SIMC1: variants seen among roughly 807,000 people sequenced by gnomAD.
The protein encoded by SIMC1 is SUMO interacting motifs containing 1.
A neutral mutation model predicts 82.3 loss-of-function variants in SIMC1; 55 were observed. That is an observed-to-expected ratio of 0.67 (90% CI 0.54 to 0.84). SIMC1 has a LOEUF of 0.84. Among genes scored for constraint, SIMC1 ranks in the 40% least tolerant of loss-of-function variants. SIMC1 has a pLI of 0.00. For missense variants in SIMC1, 915 were observed against 1,107.2 expected, an observed-to-expected ratio of 0.83 and a Z score of 2.46; for synonymous variants, 353 against 426.3, an observed-to-expected ratio of 0.83 and a Z score of 2.12.
chr5:176,268,996 A>G (rs547375461), intron 1 of SIMC1, among the ~76,000 whole-genome samples: 40 of 152,342 alleles, frequency 2.6e-4, no homozygotes, highest in African/African-American at 9.6e-4. Flanking sequence ...AGTAAATTTG[A>G]ACCACATGAT....
At chr5:176,305,689 C>T (rs1764315887) in intron 4 of SIMC1, among the ~76,000 whole-genome samples, 1 of 110,350 alleles carries the variant, frequency 9.1e-6, no homozygotes, top group East Asian at 2.7e-4. Context: ...GGCCAGCCGC[C>T]CCGTCCGGGA....
In SIMC1 at chr5:176,331,159, A is replaced by G. The variant is rs1161565058; in HGVS notation, c.2172-5561A>G. Among the ~76,000 whole-genome samples, 4 of 151,962 alleles carry G rather than the reference A, an allele frequency of 2.6e-5. No individual in the cohort carries two copies. In the South Asian group the frequency reaches 6.2e-4, roughly 24 times the overall value. On this transcript the variant is annotated intron_variant, in intron 7 of 9. Transcript: ENST00000429602. The stretch of plus-strand genomic sequence containing the variant: ...GCCAAGGCGGGTGGATCACGAGGTC[A>G]GGAGATCAATACCATCCTGGCTAAC...
chr5:176,296,200 C>T, intron 3 of SIMC1, 51 bp from the exon 4 acceptor site: 2 of 1,596,854 alleles, frequency 1.3e-6, no homozygotes, highest in Non-Finnish European at 1.7e-6. Flanking sequence ...GATCCTATCC[C>T]TTCTTCCGCT....
intron 4 of SIMC1, among the ~76,000 whole-genome samples, chr5:176,300,696 A>G (rs1295978706): frequency 2.0e-5 from 3 of 152,144 alleles, no homozygotes; most frequent in Non-Finnish European, 4.4e-5. Flanking sequence ...GATTCAAATT[A>G]CTAAAATCAG....
intron 1 of SIMC1, among the ~76,000 whole-genome samples, chr5:176,279,735 A>G (rs1228259054): frequency 6.6e-6 from 1 of 151,124 alleles, no homozygotes; most frequent in Non-Finnish European, 1.5e-5. Context: ...TTATGTACCC[A>G]GTAGTCATTC....
At chr5:176,312,853 C>G (rs1225011750) in intron 4 of SIMC1, among the ~76,000 whole-genome samples, 2 of 152,186 alleles carry the variant, frequency 1.3e-5, no homozygotes, top group African/African-American at 4.8e-5. Flanking sequence ...GCTCCCAGCA[C>G]TTGTCTGGTA....
rs568661078 is a variant in SIMC1 at position 176,256,135 on chromosome 5, A to G, written c.129+17498A>G. On this transcript the variant is annotated intron_variant, in intron 1 of 9. Transcript: ENST00000429602. ...AACTGATATTAGAGAAAGGAAGACTAAAAAACAAACAAAAAAGCTGCACTT... is the reference window on the plus strand; with the variant it reads ...AACTGATATTAGAGAAAGGAAGACTGAAAAACAAACAAAAAAGCTGCACTT... Among the ~76,000 whole-genome samples, 117 of 152,334 alleles carry G rather than the reference A, an allele frequency of 7.7e-4. 1 individual carries two copies. The South Asian group carries it at 0.024, about 31-fold the overall frequency.
chr5:176,290,764 A>C lies in SIMC1; in HGVS notation c.1240A>C (p.Met414Leu), dbSNP rs1342594083. Reference protein sequence around the residue: ...PLEKVPWLSVMETPARKEISL... With the variant: ...PLEKVPWLSVLETPARKEISL... Reference sequence around the variant, plus strand: ...AGAGAAAGTTCCTTGGCTCTCTGTCATGGAAACCCCAGCCAGAAAAGAAAT... The same window carrying C: ...AGAGAAAGTTCCTTGGCTCTCTGTCCTGGAAACCCCAGCCAGAAAAGAAAT... Residue 414 changes from methionine to leucine, a missense_variant, in exon 2 of 10, where the codon ATG becomes CTG. Around this residue, in one of 2 missense-constraint regions of SIMC1, gnomAD observed 902 missense variants for 1,040.3 expected, o/e 0.87. Coordinates refer to ENST00000429602, the MANE Select transcript of SIMC1 (RefSeq NM_001308195.2). 1 of 1,612,886 alleles carries C rather than the reference A, an allele frequency of 6.2e-7. No homozygotes were observed.
At chr5:176,262,278 TTAAA>T (rs1329421194) in intron 1 of SIMC1, among the ~76,000 whole-genome samples, 40 of 70,842 alleles carry the variant, frequency 5.6e-4, no homozygotes, top group African/African-American at 1.7e-3. Context: ...CATTCATGAT[TTAAA>T]AAAAAAAAAA....
At chr5:176,341,306 TAGTG>T (rs1766130908) in intron 9 of SIMC1, among the ~76,000 whole-genome samples, 1 of 152,226 alleles carries the variant, frequency 6.6e-6, no homozygotes, top group South Asian at 2.1e-4. Flanking sequence ...GGCAAGGATG[TAGTG>T]AGTAAGGGGA....
intron 7 of SIMC1, among the ~76,000 whole-genome samples, chr5:176,336,307 T>C (rs1241664841): frequency 6.6e-6 from 1 of 152,186 alleles, no homozygotes; most frequent in Admixed American, 6.5e-5. Context: ...CTGCACTTTT[T>C]AAAGTTCCTT....
chr5:176,302,786 TAACAC>T (rs1435263385), intron 4 of SIMC1, among the ~76,000 whole-genome samples: 1 of 151,908 alleles, frequency 6.6e-6, no homozygotes, highest in African/African-American at 2.4e-5. Flanking sequence ...GAAAAGGAAA[TAACAC>T]AATTTCATTT....
At chr5:176,288,220 C>G (rs1340158919) in intron 1 of SIMC1, among the ~76,000 whole-genome samples, 1 of 152,152 alleles carries the variant, frequency 6.6e-6, no homozygotes, top group East Asian at 1.9e-4. Context: ...CCAGCCTGGC[C>G]AACATGGTGA....
At chr5:176,277,533 T>A (rs1338867106) in intron 1 of SIMC1, among the ~76,000 whole-genome samples, 1 of 152,052 alleles carries the variant, frequency 6.6e-6, no homozygotes, top group Admixed American at 6.6e-5. Context: ...CATGCCTATG[T>A]CCTGAATGGT....
rs150345517 is a variant in SIMC1, at chr5:176,298,759, T to C, written c.1734+2439T>C. On this transcript the variant is annotated intron_variant, in intron 4 of 9. Transcript: ENST00000429602. ...CTGAAGTTGTTAAACTAGATTGTTA[T>C]AACTTTAAGACATGTTATGTGATCT... Among the ~76,000 whole-genome samples the C allele has an allele frequency of 3.7e-3, 563 of 152,332 alleles. 3 individuals carry two copies. Among genetic ancestry groups the C allele is most frequent in the African/African-American group, 0.013 (534 of 41,570 alleles).
intron 1 of SIMC1, among the ~76,000 whole-genome samples, chr5:176,267,731 C>CTTTTTTT: frequency 4.2e-5 from 1 of 24,004 alleles, no homozygotes; most frequent in East Asian, 1.3e-3. Context: ...TCTTTTCTTT[C>CTTTTTTT]TGTTTTTTTT....
At chr5:176,298,282 GT>G (rs1763904877) in intron 4 of SIMC1, among the ~76,000 whole-genome samples, 1 of 152,190 alleles carries the variant, frequency 6.6e-6, no homozygotes, top group Non-Finnish European at 1.5e-5. Context: ...AAACAAAAGA[GT>G]GGACCATGCA....
At chr5:176,246,864 G>C (rs1342025888) in intron 1 of SIMC1, among the ~76,000 whole-genome samples, 1 of 151,930 alleles carries the variant, frequency 6.6e-6, no homozygotes, top group Non-Finnish European at 1.5e-5. Context: ...GCAGTGTTTG[G>C]TTTTCTGTTC....
Position 176,290,590 on chromosome 5 carries a change from G to A in SIMC1, c.1066G>A (p.Val356Met), listed in dbSNP as rs144635211. 3.2e-5 allele frequency: 52 copies of A among 1,613,842 alleles called. No individual in the cohort carries two copies. The highest frequency in any genetic ancestry group is 8.0e-5 in the African/African-American group (6 of 74,904). The change falls in exon 2 of 10, where the codon GTG (valine) becomes ATG (methionine). Residue 356 changes from valine (V) to methionine (M), a missense_variant. This residue lies in a region of SIMC1 where 902 missense variants were observed against 1,040.3 expected (regional missense o/e 0.87). Transcript: ENST00000429602. Reference sequence around the variant, plus strand: ...AGACATGCCACACTCATCAGGGGACGTGACACACTCACCTAGAGACATCCC... The same window carrying A: ...AGACATGCCACACTCATCAGGGGACATGACACACTCACCTAGAGACATCCC... The part of the protein sequence containing the change: ...PGDMPHSSGD[V>M]THSPRDIPHL...
Sources: gnomAD v4.1 joint callset for allele counts (sites outside exome capture counted in the v4.1 genomes callset) on GRCh38, gnomAD v4.1.1 for gene constraint, gnomAD v4.1.1 regional missense constraint, MANE v1.5 for transcripts, NCBI Gene and HGNC (gene_info 2026-07-23, HGNC 2026-07-21) for gene names.